LAMA1: variants seen among roughly 807,000 people sequenced by gnomAD.
The protein encoded by LAMA1 is laminin subunit alpha 1.
Under a neutral mutation model 348.7 loss-of-function variants are expected in LAMA1, and 219 were observed. That is an observed-to-expected ratio of 0.63 (90% CI 0.56 to 0.70). The LOEUF is 0.70. Ranked by LOEUF, LAMA1 falls within the 30% of genes least tolerant of loss-of-function variation. LAMA1 has a pLI of 0.00. For synonymous variants in LAMA1, 1,487 were observed against 1,491.0 expected (o/e 1.00, Z 0.06); for missense variants, 3,744 against 3,888.0 (o/e 0.96, Z 0.99).
chr18:7,022,326 A>G (rs1196928293), intron 19 of LAMA1, among the ~76,000 whole-genome samples: 4 of 152,234 alleles, frequency 2.6e-5, no homozygotes, highest in Non-Finnish European at 5.9e-5. Context: ...CAAATCGTGA[A>G]GCCTTGTAGA....
Position 7,023,060 on chromosome 18 carries a change from A to C in LAMA1, c.2701+104T>G. On this transcript the variant is annotated intron_variant, in intron 19 of 62. Coordinates refer to ENST00000389658, the MANE Select transcript of LAMA1 (RefSeq NM_005559.4). ...ATTAATGCAAGTAACCCCTCAAGAG[A>C]GTGTGACCTCCTAGGCGGGGCCCTG... 10 of 1,229,044 alleles carry C rather than the reference A, an allele frequency of 8.1e-6. No homozygotes were observed. The South Asian group carries it at 1.4e-4, about 17-fold the overall frequency. 76.1% of individuals were successfully genotyped at this position (1,229,044 alleles called of 1,614,324 possible).
Position 7,038,904 on chromosome 18 carries a change from T to C in LAMA1, c.1469A>G (p.Tyr490Cys), listed in dbSNP as rs1238728971. The change falls in exon 11 of 63, where the codon TAT becomes TGT. Residue 490 changes from tyrosine (Y) to cysteine (C), a missense_variant. By Grantham distance (194) the Tyr-to-Cys change is radical. Transcript: ENST00000389658. ...KACDRCKPGF[Y>C]NLKEKNPRGC... Reference sequence around the variant, plus strand: ...CCGGGGGTTTTTTTCCTTCAAGTTATAGAATCCTGGCTTGCAGCGATCACA... The same window carrying C: ...CCGGGGGTTTTTTTCCTTCAAGTTACAGAATCCTGGCTTGCAGCGATCACA... 1.2e-6 allele frequency: 2 copies of C among 1,614,004 alleles called. No homozygotes were observed. The highest frequency in any genetic ancestry group is 1.7e-6 in the Non-Finnish European group (2 of 1,179,854).
Position 7,038,824 on chromosome 18 carries a change from A to T in LAMA1, c.1549T>A (p.Trp517Arg), listed in dbSNP as rs1370890137. ...GCGCCTCCCACCTGACCAACAGGCC[A>T]AGAGAGGCTGCTGCAGACATCAGAA... ...GVSDVCSSLS[W>R]PVGQVNSMSG... Residue 517 changes from tryptophan (W) to arginine (R), a missense_variant, in exon 11 of 63, where the codon TGG (tryptophan) becomes AGG (arginine). Transcript: ENST00000389658. The T allele has an allele frequency of 6.2e-7, 1 of 1,614,210 alleles. No individual in the cohort carries two copies.
intron 22 of LAMA1, 101 bp from the exon 23 acceptor site, chr18:7,014,152 T>C: frequency 2.2e-6 from 2 of 919,746 alleles, no homozygotes; most frequent in Non-Finnish European, 3.5e-6. Flanking sequence ...GGGGAAGTTC[T>C]ACAAATGAAC....
chr18:7,017,799 C>T (rs1289561966), intron 19 of LAMA1, among the ~76,000 whole-genome samples: 1 of 152,074 alleles, frequency 6.6e-6, no homozygotes, highest in East Asian at 1.9e-4. Context: ...TAAATAAGTA[C>T]ATATTAATAT....
chr18:7,015,811 C>G lies in LAMA1; in HGVS notation c.3037G>C (p.Glu1013Gln), dbSNP rs779107120. 1.2e-6 allele frequency: 2 copies of G among 1,614,174 alleles called. No homozygotes were observed. Among genetic ancestry groups the G allele is most frequent in the South Asian group, 2.2e-5 (2 of 91,084 alleles). Reference protein sequence around the residue: ...TQNTCDPETGECVCPPHTQGV... With the variant: ...TQNTCDPETGQCVCPPHTQGV... The stretch of plus-strand genomic sequence containing the variant: ...TGTGTGTGAGGGGGGCAGACACACT[C>G]TCCAGTTTCTGGGTCGCAGGTATTC... Residue 1013 changes from glutamate to glutamine, a missense_variant, in exon 22 of 63, where the codon GAG becomes CAG. By Grantham distance (29) the Glu-to-Gln change is conservative. This residue lies in a region of LAMA1 where 1,529 missense variants were observed against 1,689.4 expected (regional missense o/e 0.91). Coordinates refer to ENST00000389658, the MANE Select transcript of LAMA1 (RefSeq NM_005559.4).
At chr18:6,997,558 ATAAG>A (rs909018497) in intron 33 of LAMA1, among the ~76,000 whole-genome samples, 180 bp downstream of exon 33, 7 of 152,222 alleles carry the variant, frequency 4.6e-5, no homozygotes, top group South Asian at 2.1e-4. Flanking sequence ...AGCGTGTGAG[ATAAG>A]TAAGTAAGTG....
intron 29 of LAMA1, among the ~76,000 whole-genome samples, chr18:7,006,919 A>G (rs534148196): frequency 7.2e-5 from 11 of 152,372 alleles, no homozygotes; most frequent in Non-Finnish European, 1.6e-4. Flanking sequence ...ATGCCCACAG[A>G]TAAATTCATC....
chr18:6,985,862 G>A (rs912342421), intron 37 of LAMA1, among the ~76,000 whole-genome samples: 4 of 152,284 alleles, frequency 2.6e-5, no homozygotes, highest in South Asian at 2.1e-4. Context: ...AAGTTCAAGC[G>A]ATTCTGCTGC....
intron 3 of LAMA1, among the ~76,000 whole-genome samples, chr18:7,078,177 T>G (rs1344163661): frequency 6.6e-6 from 1 of 150,760 alleles, no homozygotes; most frequent in African/African-American, 2.4e-5. Flanking sequence ...TTTTATTTTA[T>G]TTTTTTTGAG....
rs534714056 is a variant in LAMA1, at chr18:7,112,945, T to G, written c.61+4715A>C. ...CCACTGCGCCCAGCTATTCAAAATA[T>G]TTTTAAAGTTACTTGATTCCTAAAT... On this transcript the variant is annotated intron_variant, in intron 1 of 62. Coordinates refer to ENST00000389658, the MANE Select transcript of LAMA1 (RefSeq NM_005559.4). 1.7e-4 allele frequency among the ~76,000 whole-genome samples: 26 copies of G among 152,328 alleles called. 1 individual carries two copies. The highest frequency in any genetic ancestry group is 5.8e-4 in the African/African-American group (24 of 41,584).
chr18:6,973,046 C>A lies in LAMA1; in HGVS notation c.6774+11G>T. Reference sequence around the variant, plus strand: ...AATCAGTCCTGTTCAGAAGAACTTTCGTAATGTTACCTTGATTTGTCCTCC... The same window carrying A: ...AATCAGTCCTGTTCAGAAGAACTTTAGTAATGTTACCTTGATTTGTCCTCC... On this transcript the variant is annotated intron_variant, in intron 47 of 62. Transcript: ENST00000389658. 6.2e-7 allele frequency: 1 copy of A among 1,613,990 alleles called. No individual in the cohort carries two copies. The highest frequency in any genetic ancestry group is 1.6e-4 in the Middle Eastern group (1 of 6,062).
intron 3 of LAMA1, among the ~76,000 whole-genome samples, chr18:7,077,386 T>C (rs12968268): frequency 0.3 from 45,138 of 151,634 alleles, 8,060 homozygotes; most frequent in East Asian, 0.5. Context: ...GTATCTTTTT[T>C]AGTAGAGACG....
At chr18:6,984,541 G>C (rs1436302913) in intron 39 of LAMA1, among the ~76,000 whole-genome samples, 15 of 152,156 alleles carry the variant, frequency 9.9e-5, no homozygotes, top group Admixed American at 9.2e-4. Context: ...ACAATCTTTG[G>C]GGGGAAGGCA....
chr18:7,006,403 A>C (rs1166256865), intron 29 of LAMA1, among the ~76,000 whole-genome samples: 1 of 152,170 alleles, frequency 6.6e-6, no homozygotes, highest in Admixed American at 6.5e-5. Flanking sequence ...AGAGGGCAAT[A>C]CTTTACACAG....
intron 3 of LAMA1, among the ~76,000 whole-genome samples, chr18:7,070,367 C>T (rs776021683): frequency 5.3e-5 from 8 of 152,264 alleles, no homozygotes; most frequent in Middle Eastern, 3.4e-3. Flanking sequence ...CCAAAATTCA[C>T]TTGTAATGAG....
intron 16 of LAMA1, among the ~76,000 whole-genome samples, chr18:7,028,899 G>A (rs2057956276): frequency 6.6e-6 from 1 of 152,172 alleles, no homozygotes; most frequent in South Asian, 2.1e-4. Flanking sequence ...TCCTCTTGGT[G>A]TGCACCTCAG....
Position 7,033,037 on chromosome 18 carries a change from C to T in LAMA1, c.2110G>A (p.Ala704Thr), listed in dbSNP as rs752705969. Residue 704 changes from alanine to threonine, a missense_variant, in exon 15 of 63, where the codon GCT becomes ACT. By Grantham distance (58) the Ala-to-Thr change is moderately conservative. Transcript: ENST00000389658. ...SSNAIDLVVA[A>T]DVEHCECPQG... ...GGACATTCACAGTGCTCCACATCAG[C>T]GGCCACCACCAGGTCGATGGCATTA... The T allele has an allele frequency of 1.1e-5, 17 of 1,612,592 alleles. No individual in the cohort carries two copies. The African/African-American group carries it at 1.2e-4, about 11-fold the overall frequency.
intron 42 of LAMA1, among the ~76,000 whole-genome samples, chr18:6,979,761 CG>C (rs2057701068): frequency 1.3e-5 from 2 of 151,100 alleles, no homozygotes; most frequent in African/African-American, 4.9e-5. Context: ...TAGCCGGGGA[CG>C]GTGGCGGGCG....
Sources: allele counts gnomAD v4.1 joint callset (sites outside exome capture counted in the v4.1 genomes callset), GRCh38; gene constraint gnomAD v4.1.1; regional missense constraint gnomAD v4.1.1; transcripts MANE v1.5; gene names NCBI Gene and HGNC (gene_info 2026-07-23, HGNC 2026-07-21).